Variants in RNF146 observed in about 807,000 individuals in gnomAD.
RNF146 encodes E3 ubiquitin-protein ligase RNF146.
A neutral mutation model predicts 29.7 loss-of-function variants in RNF146; 11 were observed. That is an observed-to-expected ratio of 0.37 (90% CI 0.23 to 0.61). The LOEUF is 0.61. Among genes scored for constraint, RNF146 ranks in the 20% least tolerant of loss-of-function variants. The pLI, the probability that RNF146 is intolerant of heterozygous loss-of-function variation, is 0.66. For synonymous variants in RNF146, 150 were observed against 159.7 expected (o/e 0.94, Z 0.46); for missense variants, 342 against 438.9 (o/e 0.78, Z 1.97).
rs1778763905 is a variant in RNF146 at position 127,280,321 on chromosome 6, G to T, written c.-18G>T. On this transcript the variant is annotated 5_prime_UTR_variant, in exon 2 of 3. Coordinates refer to ENST00000368314, the MANE Select transcript of RNF146 (RefSeq NM_001242850.2). ...TGCTTTATTTTTGTGGCAGGCATCT[G>T]TGGGATCTGTAATAGAAATGTAAGT... The T allele has an allele frequency of 6.5e-7, 1 of 1,547,190 alleles. No individual in the cohort carries two copies. The highest frequency in any genetic ancestry group is 1.4e-5 in the African/African-American group (1 of 72,942).
chr6:127,283,383 A>G (rs1002691560), intron 2 of RNF146, among the ~76,000 whole-genome samples: 3 of 151,806 alleles, frequency 2.0e-5, no homozygotes, highest in African/African-American at 7.2e-5. Context: ...GACATTTATG[A>G]GATAGGGAAT....
rs1376214815 is a variant in RNF146 at position 127,286,287 on chromosome 6, A to G, written c.3-329A>G. The G allele has an allele frequency of 8.5e-6, 7 of 826,754 alleles. No individual in the cohort carries two copies. Among genetic ancestry groups the G allele is most frequent in the African/African-American group, 7.1e-5 (4 of 56,032 alleles). The allele number at this position is 826,754 out of a possible 1,614,324, so 51.2% of individuals were successfully genotyped here. A position where few individuals can be genotyped will look rare whatever the true frequency, so the allele number is the denominator to read the frequency against. On this transcript the variant is annotated intron_variant, in intron 2 of 2. Coordinates refer to ENST00000368314, the MANE Select transcript of RNF146 (RefSeq NM_001242850.2). This position sits in a 1 kb window ranked among gnomAD's most constrained non-coding sequence, Gnocchi z 4.6. Reference sequence around the variant, plus strand: ...TCTTGTCTAGCATTCATTTCACTGTATAATAGCTGCCATGATTCAAGGTAT... The same window carrying G: ...TCTTGTCTAGCATTCATTTCACTGTGTAATAGCTGCCATGATTCAAGGTAT...
Position 127,286,314 on chromosome 6 carries a change from CT to C in RNF146, c.3-298del. The C allele has an allele frequency of 6.0e-6, 4 of 672,190 alleles. No individual in the cohort carries two copies. The highest frequency in any genetic ancestry group is 6.5e-5 in the East Asian group (2 of 30,810). 41.6% of individuals were successfully genotyped at this position (672,190 alleles called of 1,614,324 possible). A position where few individuals can be genotyped will look rare whatever the true frequency, so the allele number is the denominator to read the frequency against. ...AATAGCTGCCATGATTCAAGGTATC[CT>C]TTTCCCCTCACTGGATGCAGCTTTT... On this transcript the variant is annotated intron_variant, in intron 2 of 2. Coordinates refer to ENST00000368314, the MANE Select transcript of RNF146 (RefSeq NM_001242850.2). The surrounding 1 kb of genome is among the most constrained non-coding windows in gnomAD (Gnocchi z 4.6).
intron 2 of RNF146, 89 bp downstream of exon 2, chr6:127,280,429 A>G: frequency 7.0e-7 from 1 of 1,422,034 alleles, no homozygotes; most frequent in Admixed American, 2.2e-5. Context: ...TGTCATATGT[A>G]GTTTTAATTA....
At chr6:127,281,642 T>G (rs893283471) in intron 2 of RNF146, among the ~76,000 whole-genome samples, 1 of 151,674 alleles carries the variant, frequency 6.6e-6, no homozygotes, top group African/African-American at 2.4e-5. Flanking sequence ...AACAGTAATA[T>G]GTGGGAAGGC....
chr6:127,270,002 G>A (rs1777238716), intron 1 of RNF146, among the ~76,000 whole-genome samples: 1 of 151,898 alleles, frequency 6.6e-6, no homozygotes, highest in Admixed American at 6.6e-5. Context: ...GTTTTTATAT[G>A]TATTTATATT....
intron 2 of RNF146, among the ~76,000 whole-genome samples, chr6:127,285,888 T>C (rs558640635): frequency 6.6e-6 from 1 of 152,146 alleles, no homozygotes; most frequent in South Asian, 2.1e-4. Context: ...TTGTGTGTCT[T>C]ATTTATCTTT....
At chr6:127,276,224 T>C (rs551185547) in intron 1 of RNF146, among the ~76,000 whole-genome samples, 2 of 152,042 alleles carry the variant, frequency 1.3e-5, no homozygotes, top group East Asian at 3.9e-4. Context: ...ATGAGGGTGA[T>C]ACTGACACAA....
chr6:127,287,222 T>C lies in RNF146; in HGVS notation c.609T>C (p.Ser203=). ...ARESSADGAD[S]VSAQSGASVQ... ...AGAGCTCTGCTGACGGAGCGGACAG[T>C]GTATCAGCACAGAGTGGAGCTTCTG... Residue 203 remains serine (S), a synonymous_variant, in exon 3 of 3, where the codon AGT becomes AGC. Coordinates refer to ENST00000368314, the MANE Select transcript of RNF146 (RefSeq NM_001242850.2). The C allele has an allele frequency of 6.2e-7, 1 of 1,613,356 alleles. No individual in the cohort carries two copies. The highest frequency in any genetic ancestry group is 8.5e-7 in the Non-Finnish European group (1 of 1,179,628).
intron 1 of RNF146, among the ~76,000 whole-genome samples, chr6:127,275,173 C>T (rs1778028804): frequency 6.6e-6 from 1 of 152,062 alleles, no homozygotes; most frequent in African/African-American, 2.4e-5. Context: ...TTTGGCTGTT[C>T]AGAAACCCAT....
intron 2 of RNF146, among the ~76,000 whole-genome samples, chr6:127,283,624 T>TA (rs1387684936): frequency 6.6e-6 from 1 of 151,818 alleles, no homozygotes; most frequent in African/African-American, 2.4e-5. Flanking sequence ...TCTATCTTGT[T>TA]ACACATTTTA....
intron 1 of RNF146, among the ~76,000 whole-genome samples, chr6:127,273,673 TTAAAG>T (rs1251590848): frequency 6.6e-6 from 1 of 152,090 alleles, no homozygotes; most frequent in Non-Finnish European, 1.5e-5. Context: ...TCAAAGATCT[TTAAAG>T]AAAGAAATGA....
chr6:127,275,353 TAG>T (rs1014723312), intron 1 of RNF146, among the ~76,000 whole-genome samples: 1 of 152,140 alleles, frequency 6.6e-6, no homozygotes, highest in Non-Finnish European at 1.5e-5. Context: ...GATTAGAACT[TAG>T]ATATTTTTAT....
Position 127,275,148 on chromosome 6 carries a change from GC to G in RNF146, c.-108-5082del, listed in dbSNP as rs368288450. 2.7e-4 allele frequency among the ~76,000 whole-genome samples: 41 copies of G among 152,236 alleles called. No homozygotes were observed. The East Asian group carries it at 7.2e-3, about 27-fold the overall frequency. On this transcript the variant is annotated intron_variant, in intron 1 of 2. Coordinates refer to ENST00000368314, the MANE Select transcript of RNF146 (RefSeq NM_001242850.2). ...AATCATAAGCTTTATTGGGGAAAGA[GC>G]TTTGTGAAGCTGTTTTGGCTGTTCA...
chr6:127,287,759 CATT>C lies in RNF146; in HGVS notation c.*69_*71del, dbSNP rs1779724734. On this transcript the variant is annotated 3_prime_UTR_variant, in exon 3 of 3. Coordinates refer to ENST00000368314, the MANE Select transcript of RNF146 (RefSeq NM_001242850.2). Reference sequence around the variant, plus strand: ...TACCTGTAAATTTCTGCCCACATAACATTATACTCATCCCTAGTAGTGCATTTT... The same window carrying C: ...TACCTGTAAATTTCTGCCCACATAACATACTCATCCCTAGTAGTGCATTTT... 2 of 969,364 alleles carry C rather than the reference CATT, an allele frequency of 2.1e-6. No homozygotes were observed. Among genetic ancestry groups the C allele is most frequent in the South Asian group, 3.1e-5 (2 of 63,662 alleles). The allele number at this position is 969,364 out of a possible 1,614,324, so 60.0% of individuals were successfully genotyped here.
intron 1 of RNF146, among the ~76,000 whole-genome samples, chr6:127,273,560 C>G (rs1309356368): frequency 3.3e-5 from 5 of 151,604 alleles, no homozygotes; most frequent in Non-Finnish European, 5.9e-5. Flanking sequence ...CACAAATCTC[C>G]AAAAAAATTT....
At chr6:127,278,456 A>G (rs1170996332) in intron 1 of RNF146, among the ~76,000 whole-genome samples, 1 of 152,000 alleles carries the variant, frequency 6.6e-6, no homozygotes, top group East Asian at 1.9e-4. Context: ...GTGGAATCAT[A>G]CTTTTCTGTA....
chr6:127,282,851 C>T (rs1430490088), intron 2 of RNF146, among the ~76,000 whole-genome samples: 1 of 151,652 alleles, frequency 6.6e-6, no homozygotes, highest in Non-Finnish European at 1.5e-5. Flanking sequence ...AATCCTTAAG[C>T]CCCTTGAAAT....
intron 1 of RNF146, among the ~76,000 whole-genome samples, chr6:127,269,124 T>C (rs766280382): frequency 1.4e-4 from 22 of 152,214 alleles, no homozygotes; most frequent in Non-Finnish European, 5.9e-5. Context: ...TTTGTGGATA[T>C]AGAAACTAAT....
Sources: allele counts gnomAD v4.1 joint callset (sites outside exome capture counted in the v4.1 genomes callset), GRCh38; gene constraint gnomAD v4.1.1; non-coding constraint Gnocchi (gnomAD v3.1); transcripts MANE v1.5; gene names NCBI Gene and HGNC (gene_info 2026-07-23, HGNC 2026-07-21).